PPM1M: variants seen among roughly 807,000 people sequenced by gnomAD.
The protein encoded by PPM1M is protein phosphatase, Mg2+/Mn2+ dependent 1M, also known as protein phosphatase 1M.
Under a neutral mutation model 50.8 loss-of-function variants are expected in PPM1M, and 44 were observed. The ratio of observed to expected loss-of-function variants is 0.87; its 90% CI spans 0.68 to 1.11. PPM1M has a LOEUF of 1.11. Among genes scored for constraint, PPM1M ranks in the 50% most tolerant of loss-of-function variants. PPM1M has a pLI of 0.00. For synonymous variants in PPM1M, 224 were observed against 242.9 expected (o/e 0.92, Z 0.72); for missense variants, 556 against 593.4 (o/e 0.94, Z 0.66).
Position 52,246,816 on chromosome 3 carries a change from A to T in PPM1M, c.342+4A>T. The T allele has an allele frequency of 5.6e-6, 8 of 1,425,958 alleles. No individual in the cohort carries two copies. Among genetic ancestry groups the T allele is most frequent in the Non-Finnish European group, 7.5e-6 (8 of 1,067,900 alleles). 88.3% of individuals were successfully genotyped at this position (1,425,958 alleles called of 1,614,324 possible). A position where few individuals can be genotyped will look rare whatever the true frequency, so the allele number is the denominator to read the frequency against. ...GCTGACCCTGTGCCCAGAGGAGGTGAGTGCAGTCTGAGTTCTTGGCTGGAA... is the reference window on the plus strand; with the variant it reads ...GCTGACCCTGTGCCCAGAGGAGGTGTGTGCAGTCTGAGTTCTTGGCTGGAA... On this transcript the variant is annotated splice_donor_region_variant and intron_variant, in intron 2 of 9. Coordinates refer to ENST00000323588, the MANE Select transcript of PPM1M (RefSeq NM_144641.4).
At chr3:52,248,279 C>T in intron 5 of PPM1M, 42 bp downstream of exon 5, 2 of 1,607,022 alleles carry the variant, frequency 1.2e-6, no homozygotes, top group Non-Finnish European at 1.7e-6. Context: ...AGCTCCAACT[C>T]CTGGGTCCAG....
Position 52,247,095 on chromosome 3 carries a change from T to C in PPM1M, c.464T>C (p.Leu155Ser). 6.3e-7 allele frequency: 1 copy of C among 1,594,068 alleles called. No individual in the cohort carries two copies. Among genetic ancestry groups the C allele is most frequent in the Non-Finnish European group, 8.5e-7 (1 of 1,170,436 alleles). Residue 155 changes from leucine to serine, a missense_variant, in exon 3 of 10, where the codon TTG becomes TCG. Leu to Ser is a moderately radical substitution (Grantham distance 145). Transcript: ENST00000323588. Reference protein sequence around the residue: ...RRQLEAVVEGLVATQPPMHLN... With the variant: ...RRQLEAVVEGSVATQPPMHLN... ...CAGCTGGAGGCCGTGGTGGAAGGCT[T>C]GGTGGCCACTCAGCCCCCCATGCAC...
chr3:52,247,369 A>G, intron 3 of PPM1M, 141 bp downstream of exon 3: 2 of 1,227,344 alleles, frequency 1.6e-6, no homozygotes, highest in South Asian at 3.0e-5. Context: ...GATTGTTACT[A>G]ACAGCCATCA....
chr3:52,247,840 A>G lies in PPM1M; in HGVS notation c.710+46A>G, dbSNP rs1414457342. The G allele has an allele frequency of 3.4e-5, 38 of 1,101,764 alleles. 1 individual carries two copies. In the Admixed American group the frequency reaches 7.5e-4, roughly 22 times the overall value. The allele number at this position is 1,101,764 out of a possible 1,614,324, so 68.2% of individuals were successfully genotyped here. A position where few individuals can be genotyped will look rare whatever the true frequency, so the allele number is the denominator to read the frequency against. On this transcript the variant is annotated intron_variant, in intron 4 of 9. Transcript: ENST00000323588. Reference sequence around the variant, plus strand: ...TGGGCAAGGGTGGGATGGGGAGGGCATAAGCAGCAATGGGGACAAGCAAAG... The same window carrying G: ...TGGGCAAGGGTGGGATGGGGAGGGCGTAAGCAGCAATGGGGACAAGCAAAG...
chr3:52,246,573 G>T (rs574533772), intron 1 of PPM1M, 122 bp from the exon 2 acceptor site: 14 of 554,800 alleles, frequency 2.5e-5, no homozygotes, highest in Non-Finnish European at 4.2e-5. Flanking sequence ...GTGTGTTAGG[G>T]ACAGCACTGG....
Position 52,249,179 on chromosome 3 carries a change from T to A in PPM1M, c.1092T>A (p.Thr364=). ...TCCTCAGGCTTAATTTGTAGGTGACTGTGCTGGATGTGGACCAGCTGGAGC... is the reference window on the plus strand; with the variant it reads ...TCCTCAGGCTTAATTTGTAGGTGACAGTGCTGGATGTGGACCAGCTGGAGC... ...KPFLLSVPQV[T]VLDVDQLELQ... Residue 364 remains threonine, a synonymous_variant, in exon 9 of 10, where the codon ACT becomes ACA. Transcript: ENST00000323588. The A allele has an allele frequency of 6.2e-7, 1 of 1,613,948 alleles. No homozygotes were observed. Among genetic ancestry groups the A allele is most frequent in the Non-Finnish European group, 8.5e-7 (1 of 1,179,854 alleles).
intron 2 of PPM1M, 24 bp downstream of exon 2, chr3:52,246,836 C>T (rs1232557420): frequency 6.9e-7 from 1 of 1,450,754 alleles, no homozygotes; most frequent in African/African-American, 1.4e-5. Context: ...GAGTTCTTGG[C>T]TGGAATCCCT....
intron 9 of PPM1M, 67 bp downstream of exon 9, chr3:52,249,389 G>A: frequency 6.5e-7 from 1 of 1,539,730 alleles, no homozygotes; most frequent in Non-Finnish European, 8.8e-7. Context: ...AGTAGTTATG[G>A]CTGAGAAGAC....
Position 52,249,990 on chromosome 3 carries a change from G to A in PPM1M, c.*176G>A, listed in dbSNP as rs1699936456. The A allele has an allele frequency of 1.6e-6, 1 of 625,066 alleles. No individual in the cohort carries two copies. Among genetic ancestry groups the A allele is most frequent in the Non-Finnish European group, 2.8e-6 (1 of 359,654 alleles). 38.7% of individuals were successfully genotyped at this position (625,066 alleles called of 1,614,324 possible). Reference sequence around the variant, plus strand: ...GGAACATTTATACCAGGCAGTCAGAGCTGGAAGTGTATGGAGAGCCCAGCC... The same window carrying A: ...GGAACATTTATACCAGGCAGTCAGAACTGGAAGTGTATGGAGAGCCCAGCC... On this transcript the variant is annotated 3_prime_UTR_variant, in exon 10 of 10. Transcript: ENST00000323588.
chr3:52,247,055 T>C lies in PPM1M; in HGVS notation c.424T>C (p.Ser142Pro). ...CATCTTGGCTGCCAACACCCTGCACTCCTGCTTGCGCCGGCAGCTGGAGGC... is the reference window on the plus strand; with the variant it reads ...CATCTTGGCTGCCAACACCCTGCACCCCTGCTTGCGCCGGCAGCTGGAGGC... ...AAILAANTLHSCLRRQLEAVV... is the reference protein window; with the variant it reads ...AAILAANTLHPCLRRQLEAVV... The change falls in exon 3 of 10, where the codon TCC becomes CCC. Residue 142 changes from serine (S) to proline (P), a missense_variant. Physicochemically the swap from Ser to Pro is moderately conservative, Grantham distance 74 (BLOSUM62 -1). Coordinates refer to ENST00000323588, the MANE Select transcript of PPM1M (RefSeq NM_144641.4). 1 of 1,559,236 alleles carries C rather than the reference T, an allele frequency of 6.4e-7. No homozygotes were observed. Among genetic ancestry groups the C allele is most frequent in the Non-Finnish European group, 8.7e-7 (1 of 1,151,240 alleles).
Position 52,247,812 on chromosome 3 carries a change from G to A in PPM1M, c.710+18G>A, listed in dbSNP as rs1699887179. ...GATAGCAGGTGAGTCACCCCTTGGA[G>A]GGTGGGCAAGGGTGGGATGGGGAGG... is the stretch of plus-strand genomic sequence containing the variant. On this transcript the variant is annotated intron_variant, in intron 4 of 9. Coordinates refer to ENST00000323588, the MANE Select transcript of PPM1M (RefSeq NM_144641.4). The A allele has an allele frequency of 7.9e-7, 1 of 1,266,852 alleles. No homozygotes were observed. The highest frequency in any genetic ancestry group is 1.1e-6 in the Non-Finnish European group (1 of 878,576). 78.5% of individuals were successfully genotyped at this position (1,266,852 alleles called of 1,614,324 possible). A position where few individuals can be genotyped will look rare whatever the true frequency, so the allele number is the denominator to read the frequency against.
intron 9 of PPM1M, 113 bp from the exon 10 acceptor site, chr3:52,249,557 C>G (rs1461904051): frequency 2.0e-6 from 3 of 1,473,530 alleles, no homozygotes; most frequent in Non-Finnish European, 2.8e-6. Context: ...GGTCCACAGT[C>G]GGACTGCATT....
Position 52,245,971 on chromosome 3 carries a change from C to T in PPM1M, c.147C>T (p.Ala49=). The T allele has an allele frequency of 4.0e-6, 5 of 1,249,826 alleles. No individual in the cohort carries two copies. Among genetic ancestry groups the T allele is most frequent in the Non-Finnish European group, 5.1e-6 (5 of 970,924 alleles). The allele number at this position is 1,249,826 out of a possible 1,614,324, so 77.4% of individuals were successfully genotyped here. A position where few individuals can be genotyped will look rare whatever the true frequency, so the allele number is the denominator to read the frequency against. ...GSSSSPGAAD[A]SRRPDSRPVR... ...GCTCCAGCCCCGGGGCGGCCGACGC[C>T]TCGCGCCGCCCAGACTCCCGGCCCG... The change falls in exon 1 of 10, where the codon GCC becomes GCT. Residue 49 remains alanine, a synonymous_variant. Coordinates refer to ENST00000323588, the MANE Select transcript of PPM1M (RefSeq NM_144641.4). The surrounding 1 kb of genome is among the most constrained non-coding windows in gnomAD (Gnocchi z 4.8).
At chr3:52,247,883 G>C in intron 4 of PPM1M, 89 bp downstream of exon 4, 1 of 871,876 alleles carries the variant, frequency 1.1e-6, no homozygotes, top group Non-Finnish European at 1.9e-6. Context: ...GAAGTGGAGG[G>C]ATAGTAGGAA....
At chr3:52,248,874 G>C in intron 7 of PPM1M, 82 bp from the exon 8 acceptor site, 2 of 1,272,674 alleles carry the variant, frequency 1.6e-6, no homozygotes, top group Non-Finnish European at 2.3e-6. Flanking sequence ...ACCTCTCCCT[G>C]TGTGCTCTGC....
chr3:52,246,057 C>T lies in PPM1M; in HGVS notation c.224+9C>T. ...AATGCAGGCTACGCCGAGTGAGTGC[C>T]CCTCCCCGACCCCCAGCTCAGGCCC... On this transcript the variant is annotated intron_variant, in intron 1 of 9. Coordinates refer to ENST00000323588, the MANE Select transcript of PPM1M (RefSeq NM_144641.4). 1 of 1,113,104 alleles carries T rather than the reference C, an allele frequency of 9.0e-7. No homozygotes were observed. The highest frequency in any genetic ancestry group is 1.1e-6 in the Non-Finnish European group (1 of 894,438). The allele number at this position is 1,113,104 out of a possible 1,614,324, so 69.0% of individuals were successfully genotyped here.
intron 3 of PPM1M, 44 bp from the exon 4 acceptor site, chr3:52,247,638 G>A (rs963367674): frequency 6.3e-6 from 8 of 1,272,034 alleles, no homozygotes; most frequent in African/African-American, 5.9e-5. Flanking sequence ...AAGTAGTATG[G>A]TGGCAGAACA....
rs1699884951 is a variant in PPM1M at position 52,247,741 on chromosome 3, G to A, written c.657G>A (p.Leu219=). 1.2e-6 allele frequency: 2 copies of A among 1,607,674 alleles called. No homozygotes were observed. The highest frequency in any genetic ancestry group is 1.7e-6 in the Non-Finnish European group (2 of 1,177,244). Residue 219 remains leucine (L), a synonymous_variant, in exon 4 of 10, where the codon CTG becomes CTA. Coordinates refer to ENST00000323588, the MANE Select transcript of PPM1M (RefSeq NM_144641.4). ...ASGQMGGCTA[L]VAVSLQGKLY... ...GCCAGATGGGCGGCTGCACAGCCCTGGTGGCTGTGTCCCTGCAGGGAAAGC... is the reference window on the plus strand; with the variant it reads ...GCCAGATGGGCGGCTGCACAGCCCTAGTGGCTGTGTCCCTGCAGGGAAAGC...
chr3:52,246,274 C>T (rs1181976024), intron 1 of PPM1M: 2 of 1,030,684 alleles, frequency 1.9e-6, no homozygotes, highest in African/African-American at 1.7e-5. Context: ...TCGGGAAGGA[C>T]CTGCAGCCCA....
Sources: gnomAD v4.1 joint callset for allele counts on GRCh38, gnomAD v4.1.1 for gene constraint, Gnocchi (gnomAD v3.1) non-coding constraint, MANE v1.5 for transcripts, NCBI Gene and HGNC (gene_info 2026-07-23, HGNC 2026-07-21) for gene names.